The following WDR25 variants were observed in gnomAD, a reference collection of about 807,000 sequenced individuals.
The protein encoded by WDR25 is WD repeat-containing protein 25.
A neutral mutation model predicts 47.7 loss-of-function variants in WDR25; 35 were observed. The ratio of observed to expected loss-of-function variants is 0.73; its 90% CI spans 0.56 to 0.97. The LOEUF (loss-of-function observed/expected upper bound fraction) is 0.97, where lower values mean the gene tolerates loss of function less well. Ranked by LOEUF, WDR25 falls within the 50% of genes least tolerant of loss-of-function variation. The pLI, the probability that WDR25 is intolerant of heterozygous loss-of-function variation, is 0.00. For missense variants in WDR25, 634 were observed against 704.7 expected (o/e 0.90, Z 1.14); for synonymous variants, 248 against 278.9 (o/e 0.89, Z 1.10).
intron 3 of WDR25, among the ~76,000 whole-genome samples, chr14:100,470,581 C>T (rs1465336216): frequency 6.6e-6 from 1 of 152,224 alleles, no homozygotes; most frequent in Admixed American, 6.5e-5. Context: ...GAGTCAGGGA[C>T]TGCCATAGCA....
chr14:100,471,314 C>G (rs992528607), intron 3 of WDR25, among the ~76,000 whole-genome samples: 1 of 152,178 alleles, frequency 6.6e-6, no homozygotes, highest in Non-Finnish European at 1.5e-5. Context: ...CTTGCCAGGT[C>G]CTCCTATCTG....
chr14:100,512,856 G>A (rs1901353238), intron 4 of WDR25, among the ~76,000 whole-genome samples: 1 of 152,178 alleles, frequency 6.6e-6, no homozygotes. Context: ...TTATTTAGAA[G>A]TGTGCTCGTT....
chr14:100,443,866 C>T (rs79571814), intron 2 of WDR25, among the ~76,000 whole-genome samples: 54 of 152,298 alleles, frequency 3.5e-4, no homozygotes, highest in African/African-American at 1.2e-3. Flanking sequence ...CGTTTAGTGC[C>T]GGGCGCTGGC....
intron 2 of WDR25, among the ~76,000 whole-genome samples, chr14:100,439,457 C>T (rs997150673): frequency 6.6e-6 from 1 of 152,160 alleles, no homozygotes; most frequent in Non-Finnish European, 1.5e-5. Flanking sequence ...ATTCAAGAGC[C>T]GTTAGTGTTT....
At chr14:100,377,259 C>A (rs1896720207) in intron 1 of WDR25, among the ~76,000 whole-genome samples, 1 of 151,258 alleles carries the variant, frequency 6.6e-6, no homozygotes, top group Admixed American at 6.6e-5. Flanking sequence ...TATATTAGTT[C>A]CATTGGAGAT....
intron 4 of WDR25, among the ~76,000 whole-genome samples, chr14:100,485,858 CTT>C (rs1212855788): frequency 6.6e-6 from 1 of 152,104 alleles, no homozygotes; most frequent in Admixed American, 6.5e-5. Context: ...AATGCAGAGA[CTT>C]TTCTTGACAG....
At chr14:100,493,862 C>T (rs1008795799) in intron 4 of WDR25, among the ~76,000 whole-genome samples, 33 of 152,064 alleles carry the variant, frequency 2.2e-4, no homozygotes, top group African/African-American at 7.5e-4. Context: ...GATAGTACCC[C>T]TGTAAGAAGA....
rs188115006 is a variant in WDR25, at chr14:100,407,404, T to G, written c.822+25658T>G. 1 of 152,192 alleles carries G rather than the reference T, an allele frequency of 6.6e-6. No homozygotes were observed. Among genetic ancestry groups the G allele is most frequent in the Non-Finnish European group, 1.5e-5 (1 of 68,044 alleles). 9.4% of individuals were successfully genotyped at this position (152,192 alleles called of 1,614,324 possible). ...ATCCATCTTCCCAACTCAGGTGAGA[T>G]GGGGACTAGAAAGTCGGTCTGGCTG... On this transcript the variant is annotated intron_variant, in intron 2 of 6. Transcript: ENST00000402312. This position sits in a 1 kb window ranked among gnomAD's most constrained non-coding sequence, Gnocchi z 4.1.
In WDR25 at chr14:100,520,538, T is replaced by C. The variant is rs74836006; in HGVS notation, c.1102-5332T>C. Among the ~76,000 whole-genome samples the C allele has an allele frequency of 8.3e-3, 1,259 of 152,374 alleles. 15 individuals carry two copies. Among genetic ancestry groups the C allele is most frequent in the African/African-American group, 0.029 (1,208 of 41,584 alleles). On this transcript the variant is annotated intron_variant, in intron 4 of 6. Transcript: ENST00000402312. The stretch of plus-strand genomic sequence containing the variant: ...TATATTCAACTAAGGATTGACCATG[T>C]AAATGTCAGCTGCTTTTGATAGCCA...
At chr14:100,386,652 G>A (rs1188457178) in intron 2 of WDR25, among the ~76,000 whole-genome samples, 2 of 152,180 alleles carry the variant, frequency 1.3e-5, no homozygotes, top group Non-Finnish European at 2.9e-5. Flanking sequence ...CCAGCACTTT[G>A]GGAGGCCGAG....
chr14:100,523,366 G>A lies in WDR25; in HGVS notation c.1102-2504G>A, dbSNP rs1309075259. ...GGGTTGCGTGTGAGCCCAGAGCAGTGCCTCCCCACCCCCTGTCCTTCAGGT... is the reference window on the plus strand; with the variant it reads ...GGGTTGCGTGTGAGCCCAGAGCAGTACCTCCCCACCCCCTGTCCTTCAGGT... On this transcript the variant is annotated intron_variant, in intron 4 of 6. Coordinates refer to ENST00000402312, the MANE Select transcript of WDR25 (RefSeq NM_001161476.3). This position sits in a 1 kb window ranked among gnomAD's most constrained non-coding sequence, Gnocchi z 4.7. 6.6e-6 allele frequency among the ~76,000 whole-genome samples: 1 copy of A among 152,176 alleles called. No homozygotes were observed. Among genetic ancestry groups the A allele is most frequent in the Non-Finnish European group, 1.5e-5 (1 of 68,026 alleles).
intron 2 of WDR25, among the ~76,000 whole-genome samples, chr14:100,460,724 AC>A (rs1376567010): frequency 1.3e-5 from 2 of 152,204 alleles, no homozygotes; most frequent in Admixed American, 6.5e-5. Flanking sequence ...CCAAAAAAAA[AC>A]ATTAGCTCTA....
intron 2 of WDR25, among the ~76,000 whole-genome samples, chr14:100,408,412 C>T (rs1390911271): frequency 6.6e-6 from 1 of 152,138 alleles, no homozygotes; most frequent in Non-Finnish European, 1.5e-5. Context: ...TTGCACAACT[C>T]TGTGTGGAGG....
intron 4 of WDR25, among the ~76,000 whole-genome samples, chr14:100,497,867 G>T (rs1272353503): frequency 6.6e-6 from 1 of 152,156 alleles, no homozygotes; most frequent in East Asian, 1.9e-4. Flanking sequence ...GATAGCCTGG[G>T]TTGTAGCCCC....
At chr14:100,511,664 G>A (rs1901316361) in intron 4 of WDR25, among the ~76,000 whole-genome samples, 1 of 152,040 alleles carries the variant, frequency 6.6e-6, no homozygotes, top group African/African-American at 2.4e-5. Context: ...AGTGGTGAGA[G>A]TGTGCATCCT....
intron 3 of WDR25, among the ~76,000 whole-genome samples, chr14:100,479,035 C>G (rs779917442): frequency 1.3e-5 from 2 of 151,290 alleles, no homozygotes; most frequent in African/African-American, 2.4e-5. Context: ...GCGCAGTTGT[C>G]CTTGTGGGGA....
chr14:100,476,052 G>T (rs1312760070), intron 3 of WDR25, among the ~76,000 whole-genome samples: 1 of 152,330 alleles, frequency 6.6e-6, no homozygotes, highest in Admixed American at 6.5e-5. Context: ...CAATGCTACA[G>T]CTACTGTTTA....
chr14:100,418,198 C>T (rs1348526070), intron 2 of WDR25, among the ~76,000 whole-genome samples: 3 of 151,560 alleles, frequency 2.0e-5, no homozygotes, highest in Admixed American at 6.6e-5. Context: ...CCCCACTCAG[C>T]CTCCCAAAGT....
rs1348985546 is a variant in WDR25, at chr14:100,516,283, G to A, written c.1102-9587G>A. 2.6e-5 allele frequency among the ~76,000 whole-genome samples: 4 copies of A among 152,148 alleles called. No individual in the cohort carries two copies. The East Asian group carries it at 5.8e-4, about 22-fold the overall frequency. On this transcript the variant is annotated intron_variant, in intron 4 of 6. Coordinates refer to ENST00000402312, the MANE Select transcript of WDR25 (RefSeq NM_001161476.3). ...TTGTGAGTACTCTATCCAATGCCAT[G>A]TGTATTTCAAGGTTTTCCCCCTCTG... is the stretch of plus-strand genomic sequence containing the variant.
Sources: allele counts gnomAD v4.1 joint callset (sites outside exome capture counted in the v4.1 genomes callset), GRCh38; gene constraint gnomAD v4.1.1; non-coding constraint Gnocchi (gnomAD v3.1); transcripts MANE v1.5; gene names NCBI Gene and HGNC (gene_info 2026-07-23, HGNC 2026-07-21).